Variants in CENPW observed in about 807,000 individuals in gnomAD.
CENPW encodes centromere protein W.
A neutral mutation model predicts 11.1 loss-of-function variants in CENPW; 3 were observed. The ratio of observed to expected loss-of-function variants is 0.27; its 90% CI spans 0.12 to 0.70. The LOEUF (loss-of-function observed/expected upper bound fraction) is 0.70. CENPW is among the 30% of genes least tolerant of loss of function. The pLI, the probability that CENPW is intolerant of heterozygous loss-of-function variation, is 0.77. For missense variants in CENPW, 100 were observed against 105.6 expected (o/e 0.95, Z 0.23); for synonymous variants, 38 against 42.0 (o/e 0.91, Z 0.37).
At chr6:126,410,703 C>G in the CENPW span, among the ~76,000 whole-genome samples, 1 of 151,360 alleles carries the variant, frequency 6.6e-6, no homozygotes, top group Non-Finnish European at 1.5e-5. Flanking sequence ...CATTTTTTTC[C>G]CTGTGAGTAA....
At chr6:126,396,878 A>T in the CENPW span, among the ~76,000 whole-genome samples, 2 of 151,956 alleles carry the variant, frequency 1.3e-5, no homozygotes, top group Non-Finnish European at 2.9e-5. Context: ...TGGGGTCCTC[A>T]TGAGTCTGTC....
the CENPW span, among the ~76,000 whole-genome samples, chr6:126,374,004 C>G: frequency 6.6e-6 from 1 of 152,050 alleles, no homozygotes. Context: ...AGAATTATCT[C>G]AATTTGGGTG....
the CENPW span, among the ~76,000 whole-genome samples, chr6:126,446,364 CA>C: frequency 0.018 from 2,620 of 148,742 alleles, 83 homozygotes; most frequent in African/African-American, 0.061. Flanking sequence ...CTGGCCCCCC[CA>C]CAAGAAAAAA....
the CENPW span, among the ~76,000 whole-genome samples, chr6:126,412,734 G>A: frequency 2.1e-3 from 321 of 152,096 alleles, 3 homozygotes; most frequent in Admixed American, 0.018. Context: ...CACATTTTTT[G>A]TGGCTCTGTT....
chr6:126,446,361 C>CT, the CENPW span, among the ~76,000 whole-genome samples: 3 of 147,922 alleles, frequency 2.0e-5, no homozygotes, highest in African/African-American at 7.5e-5. Flanking sequence ...TCCCTGGCCC[C>CT]CCCACAAGAA....
intron 2 of CENPW, 29 bp downstream of exon 2, chr6:126,346,347 A>G (rs778884533): frequency 2.9e-6 from 4 of 1,390,486 alleles, no homozygotes; most frequent in Non-Finnish European, 4.1e-6. Flanking sequence ...TTCTCGAGCA[A>G]GAATTAAACT....
At chr6:126,383,708 C>T in the CENPW span, among the ~76,000 whole-genome samples, 1 of 152,102 alleles carries the variant, frequency 6.6e-6, no homozygotes, top group African/African-American at 2.4e-5. Flanking sequence ...GGGATCAATT[C>T]CACAAGAAGA....
chr6:126,405,708 GA>G, the CENPW span, among the ~76,000 whole-genome samples: 1 of 151,976 alleles, frequency 6.6e-6, no homozygotes, highest in Non-Finnish European at 1.5e-5. Flanking sequence ...TCATTATAGA[GA>G]ATGTTCATCT....
At chr6:126,399,340 G>T in the CENPW span, among the ~76,000 whole-genome samples, 1 of 152,046 alleles carries the variant, frequency 6.6e-6, no homozygotes, top group Non-Finnish European at 1.5e-5. Context: ...TATATCAAAT[G>T]ACAAATGAGA....
the CENPW span, among the ~76,000 whole-genome samples, chr6:126,432,654 GTC>G: frequency 1.3e-5 from 2 of 152,082 alleles, no homozygotes; most frequent in Non-Finnish European, 2.9e-5. Context: ...ATTGGCCAAA[GTC>G]TATGGACCTG....
At chr6:126,466,807 A>C in the CENPW span, among the ~76,000 whole-genome samples, 1 of 152,174 alleles carries the variant, frequency 6.6e-6, no homozygotes, top group Non-Finnish European at 1.5e-5. Flanking sequence ...ATACAATATC[A>C]ATGTACAAAA....
the CENPW span, among the ~76,000 whole-genome samples, chr6:126,394,900 G>A: frequency 5.3e-5 from 8 of 151,160 alleles, no homozygotes; most frequent in African/African-American, 1.7e-4. Context: ...TAGCCTGTAC[G>A]GTTTGCACTG....
At chr6:126,355,173 C>A in the CENPW span, among the ~76,000 whole-genome samples, 2 of 152,004 alleles carry the variant, frequency 1.3e-5, no homozygotes, top group African/African-American at 2.4e-5. Context: ...GTACCTACTA[C>A]AGAGTTTAAA....
chr6:126,368,846 T>A, the CENPW span, among the ~76,000 whole-genome samples: 5 of 152,020 alleles, frequency 3.3e-5, no homozygotes, highest in African/African-American at 1.2e-4. Context: ...GGGATTTCAC[T>A]GTGTTAGCCA....
chr6:126,354,781 G>A, the CENPW span, among the ~76,000 whole-genome samples: 2 of 151,990 alleles, frequency 1.3e-5, no homozygotes, highest in African/African-American at 4.8e-5. Flanking sequence ...CAATTAAATG[G>A]TTTCTGTATA....
At chr6:126,416,412 A>T in the CENPW span, among the ~76,000 whole-genome samples, 1 of 152,200 alleles carries the variant, frequency 6.6e-6, no homozygotes. Flanking sequence ...TCTGAGGAGA[A>T]AGTCAAGCTG....
chr6:126,443,550 A>T, the CENPW span, among the ~76,000 whole-genome samples: 1 of 151,238 alleles, frequency 6.6e-6, no homozygotes, highest in Non-Finnish European at 1.5e-5. Context: ...AGGACTGGTG[A>T]TATTCTAACT....
At chr6:126,405,801 T>C in the CENPW span, among the ~76,000 whole-genome samples, 2 of 152,246 alleles carry the variant, frequency 1.3e-5, no homozygotes, top group African/African-American at 4.8e-5. Context: ...TATTTCATTA[T>C]TTGTGTATAG....
At chr6:126,370,662 G>C in the CENPW span, among the ~76,000 whole-genome samples, 27 of 152,010 alleles carry the variant, frequency 1.8e-4, no homozygotes, top group Non-Finnish European at 2.5e-4. Context: ...GGAGCTTTTT[G>C]GGAGAGTCTT....
Sources: gnomAD v4.1 joint callset for allele counts (sites outside exome capture counted in the v4.1 genomes callset) on GRCh38, gnomAD v4.1.1 for gene constraint, MANE v1.5 for transcripts, NCBI Gene and HGNC (gene_info 2026-07-23, HGNC 2026-07-21) for gene names.